The following P2RY8 variants were observed in gnomAD, a reference collection of about 807,000 sequenced individuals.
P2RY8 encodes P2Y receptor family member 8.
A neutral mutation model predicts 10.0 loss-of-function variants in P2RY8; 6 were observed. The ratio of observed to expected loss-of-function variants is 0.60; its 90% CI spans 0.33 to 1.19. The LOEUF (loss-of-function observed/expected upper bound fraction) is 1.19. P2RY8 is among the 50% of genes most tolerant of loss of function. P2RY8 has a pLI of 0.04. For synonymous variants in P2RY8, 276 were observed against 252.5 expected (o/e 1.09, Z -0.88); for missense variants, 456 against 542.0 (o/e 0.84, Z 1.58).
At chrX:1,473,495 G>A (rs1162198676) in intron 1 of P2RY8, among the ~76,000 whole-genome samples, 2 of 147,908 alleles carry the variant, frequency 1.4e-5, no homozygotes, top group African/African-American at 5.0e-5. Context: ...GTAGGTGGAT[G>A]ACTGGGTGAA....
At chrX:1,531,861 T>C (rs73186992) in intron 1 of P2RY8, among the ~76,000 whole-genome samples, 10,915 of 152,132 alleles carry the variant, frequency 0.072, 533 homozygotes, top group Non-Finnish European at 0.11. Flanking sequence ...GAATGTGACA[T>C]CACCTCACTC....
intron 1 of P2RY8, among the ~76,000 whole-genome samples, chrX:1,486,217 TCAA>T (rs2091984642): frequency 6.6e-6 from 1 of 152,106 alleles, no homozygotes; most frequent in African/African-American, 2.4e-5. Context: ...AAACTCTGTC[TCAA>T]CAACAACAAA....
At chrX:1,524,383 A>C (rs2092414818) in intron 1 of P2RY8, among the ~76,000 whole-genome samples, 1 of 146,430 alleles carries the variant, frequency 6.8e-6, no homozygotes, top group African/African-American at 2.5e-5. Flanking sequence ...TCATCCATCC[A>C]TCCATCCATC....
chrX:1,518,023 T>C (rs1248632052), intron 1 of P2RY8, among the ~76,000 whole-genome samples: 1 of 148,400 alleles, frequency 6.7e-6, no homozygotes, highest in Non-Finnish European at 1.5e-5. Flanking sequence ...GCGGGAGAAT[T>C]GCTTGAACCT....
chrX:1,509,796 C>CTCT (rs1556682883), intron 1 of P2RY8, among the ~76,000 whole-genome samples: 1 of 105,008 alleles, frequency 9.5e-6, no homozygotes, highest in African/African-American at 3.6e-5. Flanking sequence ...ATGTATCCAT[C>CTCT]CTATCTATCT....
At chrX:1,507,967 C>T (rs184109730) in intron 1 of P2RY8, among the ~76,000 whole-genome samples, 1,825 of 152,192 alleles carry the variant, frequency 0.012, 23 homozygotes, top group East Asian at 0.053. Context: ...GGACCCACAC[C>T]GCCATCCCTC....
At chrX:1,524,389 CCATCCCTCCATCCATGCATG>C (rs2092414985) in intron 1 of P2RY8, among the ~76,000 whole-genome samples, 2 of 141,810 alleles carry the variant, frequency 1.4e-5, no homozygotes, top group African/African-American at 2.6e-5. Context: ...ATCCATCCAT[CCATCCCTCCATCCATGCATG>C]CATCCATCCA....
Position 1,464,593 on chromosome X carries a change from C to G in P2RY8, c.*886G>C. On this transcript the variant is annotated 3_prime_UTR_variant, in exon 2 of 2. Coordinates refer to ENST00000381297, the MANE Select transcript of P2RY8 (RefSeq NM_178129.5). The stretch of plus-strand genomic sequence containing the variant: ...TGTGTTGGGATGGGCTGGACCCCAT[C>G]TCACGGAGCCTCCTTTCCGCACCTG... 1 of 233,408 alleles carries G rather than the reference C, an allele frequency of 4.3e-6. No individual in the cohort carries two copies. The highest frequency in any genetic ancestry group is 6.0e-5 in the East Asian group (1 of 16,592). 14.5% of individuals were successfully genotyped at this position (233,408 alleles called of 1,614,324 possible).
chrX:1,467,187 AAC>A (rs1404268430), intron 1 of P2RY8, among the ~76,000 whole-genome samples: 1 of 152,022 alleles, frequency 6.6e-6, no homozygotes. Flanking sequence ...ATCAGCAGAA[AAC>A]ACACACTCCG....
chrX:1,473,267 A>G (rs2091818928), intron 1 of P2RY8, among the ~76,000 whole-genome samples: 1 of 144,312 alleles, frequency 6.9e-6, no homozygotes, highest in Non-Finnish European at 1.5e-5. Context: ...ATGGGTGAAT[A>G]GATGGATGAG....
intron 1 of P2RY8, among the ~76,000 whole-genome samples, chrX:1,501,013 C>G (rs1441132411): frequency 2.6e-5 from 4 of 152,174 alleles, no homozygotes; most frequent in African/African-American, 9.7e-5. Flanking sequence ...CTGAATCTCT[C>G]GGTTCTGTCC....
intron 1 of P2RY8, among the ~76,000 whole-genome samples, chrX:1,513,734 C>T (rs1160992327): frequency 6.6e-6 from 1 of 151,004 alleles, no homozygotes; most frequent in Non-Finnish European, 1.5e-5. Flanking sequence ...ACAATTGTAT[C>T]CAGTTCCTTC....
At chrX:1,524,628 T>C (rs2092422645) in intron 1 of P2RY8, among the ~76,000 whole-genome samples, 1 of 94,950 alleles carries the variant, frequency 1.1e-5, no homozygotes, top group African/African-American at 4.5e-5. Context: ...CATCCATTCA[T>C]CCATCCATCC....
At chrX:1,509,487 CCATCCATCCATCCCTCCATCCATCCATT>C (rs1460884818) in intron 1 of P2RY8, among the ~76,000 whole-genome samples, 1 of 131,528 alleles carries the variant, frequency 7.6e-6, no homozygotes, top group Non-Finnish European at 1.6e-5. Flanking sequence ...ATCTATGCAT[CCATCCATCCATCCCTCCATCCATCCATT>C]CATCCATCCA....
chrX:1,514,292 C>T (rs1399313245), intron 1 of P2RY8, among the ~76,000 whole-genome samples: 1 of 151,960 alleles, frequency 6.6e-6, no homozygotes. Flanking sequence ...GGTATGGACA[C>T]CCGCCCCTTT....
intron 1 of P2RY8, among the ~76,000 whole-genome samples, chrX:1,529,315 C>T (rs1177134391): frequency 1.3e-5 from 2 of 152,106 alleles, no homozygotes; most frequent in African/African-American, 4.8e-5. Flanking sequence ...AGTCCCTTGA[C>T]CCAGCCCATT....
At chrX:1,512,901 C>A (rs4372179) in intron 1 of P2RY8, among the ~76,000 whole-genome samples, 10 of 151,722 alleles carry the variant, frequency 6.6e-5, no homozygotes, top group Non-Finnish European at 1.5e-4. Flanking sequence ...TGTGCAGAAC[C>A]TGCAGGTTTG....
intron 1 of P2RY8, among the ~76,000 whole-genome samples, chrX:1,510,834 G>A (rs757540317): frequency 1.3e-4 from 20 of 152,004 alleles, no homozygotes; most frequent in Admixed American, 6.6e-4. Flanking sequence ...AGCCGTGATC[G>A]CGTCACTGCA....
intron 1 of P2RY8, chrX:1,494,276 A>G (rs2092096131): frequency 1.3e-5 from 2 of 152,208 alleles, no homozygotes; most frequent in Admixed American, 6.5e-5. Context: ...CTCTGCTGGG[A>G]AAAAAATCCC....
Sources: gnomAD v4.1 joint callset for allele counts (sites outside exome capture counted in the v4.1 genomes callset) on GRCh38, gnomAD v4.1.1 for gene constraint, MANE v1.5 for transcripts, NCBI Gene and HGNC (gene_info 2026-07-23, HGNC 2026-07-21) for gene names.